Variants in VWA8 observed in about 807,000 individuals in gnomAD.
VWA8 encodes von Willebrand factor A domain containing 8.
Under a neutral mutation model 241.5 loss-of-function variants are expected in VWA8, and 221 were observed. The ratio of observed to expected loss-of-function variants is 0.91; its 90% CI spans 0.82 to 1.02. The LOEUF is 1.02. Among genes scored for constraint, VWA8 ranks in the 50% least tolerant of loss-of-function variants. VWA8 has a pLI of 0.00. For synonymous variants in VWA8, 852 were observed against 827.1 expected (o/e 1.03, Z -0.52); for missense variants, 2,322 against 2,328.7 (o/e 1.00, Z 0.06).
Position 41,597,175 on chromosome 13 carries a change from G to T in VWA8, c.4987-6410C>A, listed in dbSNP as rs188763171. ...CTGTAAATGATGTTAGAGGGTACCTGTGAACAGCGATTCTCTTATTAAACA... is the reference window on the plus strand; with the variant it reads ...CTGTAAATGATGTTAGAGGGTACCTTTGAACAGCGATTCTCTTATTAAACA... On this transcript the variant is annotated intron_variant, in intron 40 of 44. Coordinates refer to ENST00000379310, the MANE Select transcript of VWA8 (RefSeq NM_015058.2). 4.6e-5 allele frequency among the ~76,000 whole-genome samples: 7 copies of T among 152,198 alleles called. No individual in the cohort carries two copies. In the East Asian group the frequency reaches 1.3e-3, roughly 29 times the overall value.
chr13:41,915,747 C>A (rs1876220127), intron 2 of VWA8, among the ~76,000 whole-genome samples: 2 of 152,182 alleles, frequency 1.3e-5, no homozygotes, highest in Non-Finnish European at 2.9e-5. Context: ...AGGCTCTCAT[C>A]ATCACATTCC....
chr13:41,642,195 C>T (rs1019222072), intron 37 of VWA8, among the ~76,000 whole-genome samples: 9 of 152,180 alleles, frequency 5.9e-5, no homozygotes, highest in Admixed American at 5.9e-4. Flanking sequence ...GGGTTACACA[C>T]ATCTCACCAT....
At chr13:41,625,779 A>G (rs942138024) in intron 37 of VWA8, among the ~76,000 whole-genome samples, 22 of 152,060 alleles carry the variant, frequency 1.4e-4, no homozygotes, top group African/African-American at 4.8e-4. Context: ...AGACACATGA[A>G]CACGTATGTT....
At chr13:41,959,551 C>T (rs1878508424) in intron 1 of VWA8, among the ~76,000 whole-genome samples, 1 of 132,124 alleles carries the variant, frequency 7.6e-6, no homozygotes, top group South Asian at 2.5e-4. Context: ...TGGTGGGGGA[C>T]GGGGGTGGTG....
intron 12 of VWA8, among the ~76,000 whole-genome samples, chr13:41,838,065 G>A (rs925010625): frequency 7.9e-5 from 12 of 152,100 alleles, no homozygotes; most frequent in Non-Finnish European, 1.6e-4. Flanking sequence ...ATTTGTAACT[G>A]AGAAACTCTA....
chr13:41,607,806 T>G (rs972079668), intron 39 of VWA8, among the ~76,000 whole-genome samples: 1 of 152,198 alleles, frequency 6.6e-6, no homozygotes, highest in African/African-American at 2.4e-5. Context: ...TATTTTTATT[T>G]CAGCCATTCA....
At chr13:41,830,473 G>C in intron 14 of VWA8, 56 bp downstream of exon 14, 2 of 1,383,536 alleles carry the variant, frequency 1.4e-6, no homozygotes, top group East Asian at 2.3e-5. Flanking sequence ...ATCATAAAAA[G>C]TATTATTTTT....
intron 21 of VWA8, among the ~76,000 whole-genome samples, chr13:41,749,882 G>A (rs2045641424): frequency 6.7e-6 from 1 of 150,002 alleles, no homozygotes; most frequent in Non-Finnish European, 1.5e-5. Context: ...TGTGGGGTCG[G>A]GGGAGGGAGG....
intron 14 of VWA8, among the ~76,000 whole-genome samples, chr13:41,829,867 G>C (rs1233730900): frequency 6.6e-6 from 1 of 152,040 alleles, no homozygotes; most frequent in Non-Finnish European, 1.5e-5. Context: ...CAAAATCTCA[G>C]AAATCGCCAC....
Position 41,820,730 on chromosome 13 carries a change from T to C in VWA8, c.1701-1344A>G, listed in dbSNP as rs190584374. On this transcript the variant is annotated intron_variant, in intron 14 of 44. Transcript: ENST00000379310. ...CCTGAAAGTCCAGAGGATAGCACAA[T>C]TACTTAAGATTGCTAGTAATTAGAT... Among the ~76,000 whole-genome samples the C allele has an allele frequency of 6.7e-4, 102 of 152,268 alleles. 1 individual carries two copies. Among genetic ancestry groups the C allele is most frequent in the African/African-American group, 2.2e-3 (93 of 41,548 alleles).
intron 21 of VWA8, among the ~76,000 whole-genome samples, chr13:41,753,971 T>C (rs1479875518): frequency 2.6e-5 from 4 of 152,282 alleles, no homozygotes; most frequent in East Asian, 3.9e-4. Context: ...TAAAATGTTA[T>C]AGCAAATGTA....
At chr13:41,685,661 C>A (rs1566414474) in intron 34 of VWA8, among the ~76,000 whole-genome samples, 1 of 152,030 alleles carries the variant, frequency 6.6e-6, no homozygotes, top group African/African-American at 2.4e-5. Flanking sequence ...GTAAAATATA[C>A]AAGTTAAATT....
Position 41,819,305 on chromosome 13 carries a change from C to T in VWA8, c.1782G>A (p.Trp594Ter), listed in dbSNP as rs151124989. 6.2e-7 allele frequency: 1 copy of T among 1,613,402 alleles called. No homozygotes were observed. Among genetic ancestry groups the T allele is most frequent in the Admixed American group, 1.7e-5 (1 of 59,838 alleles). Residue 594 changes from tryptophan to a stop codon, truncating the protein, a stop_gained, in exon 15 of 45, where the codon TGG (tryptophan) becomes TGA (stop). Coordinates refer to ENST00000379310, the MANE Select transcript of VWA8 (RefSeq NM_015058.2). LOFTEE classifies it high-confidence loss of function. ...ACATGGTTAAGAATTCTGGTCCCAGCCACTGGTGTGCTGTGCTTCCAATAA... is the reference window on the plus strand; with the variant it reads ...ACATGGTTAAGAATTCTGGTCCCAGTCACTGGTGTGCTGTGCTTCCAATAA... ...PPVIGSTAHQ[W>*]LGPEFLTMFF...
At chr13:41,701,316 G>T in intron 28 of VWA8, 76 bp downstream of exon 28, 1 of 1,458,026 alleles carries the variant, frequency 6.9e-7, no homozygotes. Context: ...ACTTTTTGAT[G>T]TCTAGAGATT....
At chr13:41,918,915 T>C (rs575428844) in intron 2 of VWA8, among the ~76,000 whole-genome samples, 1 of 152,014 alleles carries the variant, frequency 6.6e-6, no homozygotes, top group African/African-American at 2.4e-5. Flanking sequence ...AATTAGAAAT[T>C]AGTAATAAAA....
At chr13:41,930,587 T>G (rs1326210901) in intron 2 of VWA8, among the ~76,000 whole-genome samples, 2 of 152,020 alleles carry the variant, frequency 1.3e-5, no homozygotes, top group Non-Finnish European at 1.5e-5. Context: ...ACACCACAGG[T>G]GAAAAATTCC....
intron 20 of VWA8, among the ~76,000 whole-genome samples, chr13:41,763,311 AG>A (rs753167015): frequency 0.067 from 7,299 of 108,180 alleles, 212 homozygotes; most frequent in African/African-American, 0.073. Context: ...ATAAATAAAT[AG>A]ATAGATAGAT....
chr13:41,784,697 C>CATATATATATATATATATATATATAT (rs59582293), intron 18 of VWA8, among the ~76,000 whole-genome samples: 1 of 57,034 alleles, frequency 1.8e-5, no homozygotes, highest in Non-Finnish European at 3.7e-5. Context: ...TATACATATA[C>CATATATATATATATATATATATATAT]ATATATATAT....
At chr13:41,945,973 ACAGT>A (rs992611601) in intron 2 of VWA8, among the ~76,000 whole-genome samples, 6 of 152,172 alleles carry the variant, frequency 3.9e-5, no homozygotes, top group African/African-American at 1.4e-4. Context: ...AGACACATCC[ACAGT>A]CAAACTATCA....
Sources: gnomAD v4.1 joint callset for allele counts (sites outside exome capture counted in the v4.1 genomes callset) on GRCh38, gnomAD v4.1.1 for gene constraint, MANE v1.5 for transcripts, NCBI Gene and HGNC (gene_info 2026-07-23, HGNC 2026-07-21) for gene names.